Variants in SORD observed in about 807,000 individuals in gnomAD.
The protein encoded by SORD is sorbitol dehydrogenase.
In SORD, 18 loss-of-function variants were observed where a neutral mutation model predicts 35.6. That is an observed-to-expected ratio of 0.51 (90% CI 0.35 to 0.75). The LOEUF is 0.75. Among genes scored for constraint, SORD ranks in the 30% least tolerant of loss-of-function variants. SORD has a pLI of 0.01. For synonymous variants in SORD, 106 were observed against 152.9 expected, an observed-to-expected ratio of 0.69 and a Z score of 2.26; for missense variants, 250 against 390.2, an observed-to-expected ratio of 0.64 and a Z score of 3.03.
At chr15:45,062,125 A>G (rs573576289) in intron 4 of SORD, among the ~76,000 whole-genome samples, 1 of 149,892 alleles carries the variant, frequency 6.7e-6, no homozygotes, top group South Asian at 2.1e-4. Context: ...TTGTGCTAAT[A>G]AGTGGTTTGC....
chr15:45,066,664 AC>A (rs1893410890), intron 5 of SORD, among the ~76,000 whole-genome samples: 1 of 152,176 alleles, frequency 6.6e-6, no homozygotes, highest in Non-Finnish European at 1.5e-5. Flanking sequence ...CATTCTGGTG[AC>A]CCAGACAGTA....
intron 7 of SORD, chr15:45,070,505 G>T: frequency 6.5e-6 from 1 of 154,144 alleles, no homozygotes. Flanking sequence ...GGAGGAGCGG[G>T]TGCCACCTTG....
intron 6 of SORD, among the ~76,000 whole-genome samples, chr15:45,068,455 GTGTGTGTGTC>G (rs1893445876): frequency 6.6e-6 from 1 of 150,784 alleles, no homozygotes; most frequent in African/African-American, 2.5e-5. Context: ...GAGAGTGTGT[GTGTGTGTGTC>G]TGTGTGTAGC....
In SORD at chr15:45,061,089, T is replaced by C. The variant is rs2141279950; in HGVS notation, c.288T>C (p.Pro96=). 1 of 1,614,206 alleles carries C rather than the reference T, an allele frequency of 6.2e-7. No homozygotes were observed. Among genetic ancestry groups the C allele is most frequent in the Middle Eastern group, 1.6e-4 (1 of 6,062 alleles). The change falls in exon 4 of 9, where the codon CCT becomes CCC. Residue 96 remains proline, a synonymous_variant. Transcript: ENST00000267814. The part of the protein sequence containing the change: ...LKPGDRVAIE[P]GAPRENDEFC... ...CAGGTGATCGTGTTGCCATCGAGCC[T>C]GGTGCTCCCCGAGAAAATGATGAAT... is the stretch of plus-strand genomic sequence containing the variant.
chr15:45,047,818 G>C (rs1023004078), intron 3 of SORD, among the ~76,000 whole-genome samples: 1 of 152,196 alleles, frequency 6.6e-6, no homozygotes, highest in Non-Finnish European at 1.5e-5. Context: ...GATTTCTGCT[G>C]TTCTCTGTGG....
intron 3 of SORD, among the ~76,000 whole-genome samples, chr15:45,054,109 G>T (rs1321656546): frequency 6.6e-6 from 1 of 151,792 alleles, no homozygotes; most frequent in Non-Finnish European, 1.5e-5. Flanking sequence ...AAACATACGT[G>T]TGCATGTCTC....
chr15:45,027,296 A>G (rs1013060286), intron 1 of SORD, among the ~76,000 whole-genome samples: 1 of 152,270 alleles, frequency 6.6e-6, no homozygotes, highest in African/African-American at 2.4e-5. Flanking sequence ...AAGTTCCCAA[A>G]CCAGGCTGGG....
Position 45,061,103 on chromosome 15 carries a change from A to T in SORD, c.302A>T (p.Glu101Val), listed in dbSNP as rs1337968424. The change falls in exon 4 of 9, where the codon GAA becomes GTA. Residue 101 changes from glutamate (E) to valine (V), a missense_variant. Glu to Val is a moderately radical substitution (Grantham distance 121, BLOSUM62 -2). Coordinates refer to ENST00000267814, the MANE Select transcript of SORD (RefSeq NM_003104.6). ...RVAIEPGAPR[E>V]NDEFCKMGRY... ...GCCATCGAGCCTGGTGCTCCCCGAGAAAATGATGAATTCTGCAAGATGGGC... is the reference window on the plus strand; with the variant it reads ...GCCATCGAGCCTGGTGCTCCCCGAGTAAATGATGAATTCTGCAAGATGGGC... The T allele has an allele frequency of 1.2e-6, 2 of 1,614,122 alleles. No homozygotes were observed. The highest frequency in any genetic ancestry group is 1.7e-6 in the Non-Finnish European group (2 of 1,180,022).
At chr15:45,058,646 T>A (rs1215445734) in intron 3 of SORD, 1 of 152,170 alleles carries the variant, frequency 6.6e-6, no homozygotes, top group African/African-American at 2.4e-5. Context: ...TTTGTCTCAT[T>A]ACCAAGAAAA....
chr15:45,049,636 A>C (rs1477640821), intron 3 of SORD, among the ~76,000 whole-genome samples: 1 of 152,168 alleles, frequency 6.6e-6, no homozygotes, highest in Non-Finnish European at 1.5e-5. Flanking sequence ...CCAAACAAGG[A>C]AACCTCTGAG....
chr15:45,060,022 G>A (rs1742014082), intron 3 of SORD, among the ~76,000 whole-genome samples: 2 of 152,124 alleles, frequency 1.3e-5, no homozygotes, highest in Admixed American at 1.3e-4. Flanking sequence ...CTGAGGTAGT[G>A]GTAGTGTTCT....
chr15:45,031,805 T>C (rs909041838), intron 1 of SORD, among the ~76,000 whole-genome samples: 4 of 142,204 alleles, frequency 2.8e-5, no homozygotes, highest in Non-Finnish European at 6.2e-5. Flanking sequence ...CCACAGCAGG[T>C]GTTGTCATCT....
intron 3 of SORD, among the ~76,000 whole-genome samples, chr15:45,049,306 G>A (rs557981911): frequency 2.6e-5 from 4 of 152,232 alleles, no homozygotes; most frequent in Non-Finnish European, 4.4e-5. Flanking sequence ...TAATCTCTCT[G>A]GCTACTTTCT....
At chr15:45,042,643 G>A (rs530353880) in intron 2 of SORD, among the ~76,000 whole-genome samples, 7 of 152,242 alleles carry the variant, frequency 4.6e-5, no homozygotes, top group South Asian at 4.1e-4. Flanking sequence ...CGAATCACGC[G>A]TAGCATATTA....
At position 45,075,139 on chromosome 15, in the gene SORD, T is replaced by C. The variant is rs1334422812; in HGVS notation, c.*1609T>C. ...TGACTTGGCAAATCACACAGTGGGT[T>C]AGTCAATGGCCCAGGATTAGACAGA... On this transcript the variant is annotated 3_prime_UTR_variant, in exon 9 of 9. Transcript: ENST00000267814. 3 of 78,962 alleles carry C rather than the reference T, an allele frequency of 3.8e-5. No homozygotes were observed. The highest frequency in any genetic ancestry group is 6.3e-5 in the Non-Finnish European group (3 of 47,906). 4.9% of individuals were successfully genotyped at this position (78,962 alleles called of 1,614,324 possible).
At chr15:45,049,255 C>G (rs767275479) in intron 3 of SORD, among the ~76,000 whole-genome samples, 4 of 152,110 alleles carry the variant, frequency 2.6e-5, no homozygotes, top group Non-Finnish European at 5.9e-5. Flanking sequence ...TCTCCCACCT[C>G]AGGAGTGGAG....
intron 4 of SORD, among the ~76,000 whole-genome samples, chr15:45,064,679 C>T (rs1451271208): frequency 6.6e-6 from 1 of 152,162 alleles, no homozygotes; most frequent in Non-Finnish European, 1.5e-5. Context: ...GAGTGATGCC[C>T]ATTGCTAAAT....
chr15:45,038,126 CCCTTCCTTCCTT>C (rs71114304), intron 1 of SORD, among the ~76,000 whole-genome samples: 16,787 of 122,130 alleles, frequency 0.14, 1,614 homozygotes, highest in African/African-American at 0.25. Context: ...CTCGCATCCT[CCCTTCCTTCCTT>C]CCTTCCTTCC....
intron 3 of SORD, among the ~76,000 whole-genome samples, chr15:45,053,355 TG>T (rs1893159373): frequency 1.3e-5 from 2 of 152,318 alleles, no homozygotes; most frequent in East Asian, 1.9e-4. Context: ...ATGGAGCCAT[TG>T]CTGAACTTGA....
Sources: allele counts gnomAD v4.1 joint callset (sites outside exome capture counted in the v4.1 genomes callset), GRCh38; gene constraint gnomAD v4.1.1; transcripts MANE v1.5; gene names NCBI Gene and HGNC (gene_info 2026-07-23, HGNC 2026-07-21).